Variants in ELAVL2 observed in about 807,000 individuals in gnomAD.
The protein encoded by ELAVL2 is ELAV-like protein 2.
ELAVL2 carries 4 observed loss-of-function variants against 34.6 expected under a neutral mutation model. The ratio of observed to expected loss-of-function variants is 0.12; its 90% CI spans 0.06 to 0.26. ELAVL2 has a LOEUF of 0.26. Ranked by LOEUF, ELAVL2 falls within the 10% of genes least tolerant of loss-of-function variation. The probability of loss-of-function intolerance (pLI) is 1.00; values close to 1 mark genes in which losing one functional copy is unlikely to be tolerated. For synonymous variants in ELAVL2, 193 were observed against 154.8 expected, an observed-to-expected ratio of 1.25 and a Z score of -1.83; for missense variants, 432 against 442.8, an observed-to-expected ratio of 0.98 and a Z score of 0.22.
intron 1 of ELAVL2, chr9:23,783,591 T>C (rs1045040542): frequency 1.4e-6 from 1 of 729,854 alleles, no homozygotes. Context: ...GCCTCAAATA[T>C]CAACACATTT....
intron 2 of ELAVL2, among the ~76,000 whole-genome samples, chr9:23,733,174 A>AT (rs1385954027): frequency 6.9e-6 from 1 of 145,738 alleles, no homozygotes; most frequent in Non-Finnish European, 1.5e-5. Flanking sequence ...AGAAAGCTTA[A>AT]AAAAAAAAAA....
Position 23,690,474 on chromosome 9 carries a change from A to T in ELAVL2, c.*2083T>A, listed in dbSNP as rs945942365. 1.3e-5 allele frequency: 2 copies of T among 152,434 alleles called. No homozygotes were observed. Among genetic ancestry groups the T allele is most frequent in the African/African-American group, 4.8e-5 (2 of 41,408 alleles). 9.4% of individuals were successfully genotyped at this position (152,434 alleles called of 1,614,324 possible). The stretch of plus-strand genomic sequence containing the variant: ...TTTCTTTTTTTAAACGCAGAAGGTT[A>T]ACTCTGGCAATCTAAATGCACCTAA... On this transcript the variant is annotated 3_prime_UTR_variant, in exon 7 of 7. Transcript: ENST00000397312.
intron 3 of ELAVL2, among the ~76,000 whole-genome samples, chr9:23,707,170 A>G (rs2039594783): frequency 6.6e-6 from 1 of 152,264 alleles, no homozygotes; most frequent in Admixed American, 6.5e-5. Context: ...TAAGTGAAGA[A>G]CAAGTGGCCA....
chr9:23,718,343 G>C (rs1422144413), intron 3 of ELAVL2, among the ~76,000 whole-genome samples: 1 of 152,010 alleles, frequency 6.6e-6, no homozygotes, highest in Non-Finnish European at 1.5e-5. Flanking sequence ...TTAGTGTTTT[G>C]GGCCCTGATT....
intron 2 of ELAVL2, among the ~76,000 whole-genome samples, chr9:23,734,405 G>A (rs1470418772): frequency 6.6e-6 from 1 of 152,160 alleles, no homozygotes; most frequent in Non-Finnish European, 1.5e-5. Context: ...TCTGAAGCTT[G>A]GCAAGGTCAA....
intron 2 of ELAVL2, among the ~76,000 whole-genome samples, chr9:23,759,609 T>G (rs79362935): frequency 1.3e-5 from 2 of 151,392 alleles, no homozygotes; most frequent in Non-Finnish European, 2.9e-5. Flanking sequence ...TATAATACCC[T>G]GCTTGATCAT....
chr9:23,766,047 T>C (rs959604142), intron 1 of ELAVL2, among the ~76,000 whole-genome samples: 3 of 152,138 alleles, frequency 2.0e-5, no homozygotes, highest in Admixed American at 1.3e-4. Context: ...TTTCTAAAAA[T>C]AGACAGTGAA....
Position 23,758,163 on chromosome 9 carries a change from G to C in ELAVL2, c.229+3843C>G, listed in dbSNP as rs548111233. ...GAGAAGGACCAAAGAACTCTGGTCT[G>C]TCCCTAAAATACGTACTGAGAAACT... On this transcript the variant is annotated intron_variant, in intron 2 of 6. Coordinates refer to ENST00000397312, the MANE Select transcript of ELAVL2 (RefSeq NM_004432.5). Among the ~76,000 whole-genome samples, 9 of 152,156 alleles carry C rather than the reference G, an allele frequency of 5.9e-5. No homozygotes were observed. In the East Asian group the frequency reaches 1.7e-3, roughly 30 times the overall value.
upstream of ELAVL2, among the ~76,000 whole-genome samples, chr9:23,827,772 G>A (rs953749132): frequency 2.0e-5 from 3 of 152,184 alleles, no homozygotes; most frequent in Non-Finnish European, 4.4e-5. Context: ...CAGTAAATCA[G>A]TGTTCTTTGA....
At chr9:23,751,702 C>T (rs12236195) in intron 2 of ELAVL2, among the ~76,000 whole-genome samples, 32,200 of 152,058 alleles carry the variant, frequency 0.21, 3,552 homozygotes, top group East Asian at 0.31. Flanking sequence ...ATCTAACCAA[C>T]ACTTCATGGC....
intron 3 of ELAVL2, among the ~76,000 whole-genome samples, chr9:23,707,880 A>G (rs961084443): frequency 6.6e-6 from 1 of 152,204 alleles, no homozygotes; most frequent in African/African-American, 2.4e-5. Flanking sequence ...GGTCCATTAC[A>G]GTGTTCTAGA....
intron 5 of ELAVL2, among the ~76,000 whole-genome samples, chr9:23,697,426 G>C (rs1385650098): frequency 1.3e-5 from 2 of 152,076 alleles, no homozygotes; most frequent in African/African-American, 4.8e-5. Context: ...TTAGGTACAT[G>C]GAAAATGAAG....
Position 23,780,807 on chromosome 9 carries a change from G to C in ELAVL2, c.-15-18558C>G, listed in dbSNP as rs532220108. On this transcript the variant is annotated intron_variant, in intron 1 of 6. Coordinates refer to ENST00000397312, the MANE Select transcript of ELAVL2 (RefSeq NM_004432.5). The stretch of plus-strand genomic sequence containing the variant: ...GTTAAGACATGGCCAGGTAAATTAA[G>C]GCCAAAAAAGGGCAAGTCACAACAC... Among the ~76,000 whole-genome samples the C allele has an allele frequency of 1.5e-4, 23 of 152,112 alleles. No individual in the cohort carries two copies. The South Asian group carries it at 4.6e-3, about 30-fold the overall frequency.
intron 1 of ELAVL2, among the ~76,000 whole-genome samples, chr9:23,808,233 C>T (rs1419208133): frequency 6.6e-6 from 1 of 152,094 alleles, no homozygotes; most frequent in Non-Finnish European, 1.5e-5. Flanking sequence ...TGTTATAAGC[C>T]TTAAAGGTTA....
chr9:23,691,409 T>C lies in ELAVL2; in HGVS notation c.*1148A>G, dbSNP rs1412505645. On this transcript the variant is annotated 3_prime_UTR_variant, in exon 7 of 7. Coordinates refer to ENST00000397312, the MANE Select transcript of ELAVL2 (RefSeq NM_004432.5). ...CTGATTTGCTGCAGTACAAATCATGTGCAACGTCTTTTTTCCTTAAGACAA... is the reference window on the plus strand; with the variant it reads ...CTGATTTGCTGCAGTACAAATCATGCGCAACGTCTTTTTTCCTTAAGACAA... 1 of 152,582 alleles carries C rather than the reference T, an allele frequency of 6.6e-6. No individual in the cohort carries two copies. The highest frequency in any genetic ancestry group is 2.4e-5 in the African/African-American group (1 of 41,460). 9.5% of individuals were successfully genotyped at this position (152,582 alleles called of 1,614,324 possible).
intron 2 of ELAVL2, among the ~76,000 whole-genome samples, chr9:23,740,480 T>C (rs1031071202): frequency 6.6e-6 from 1 of 152,158 alleles, no homozygotes; most frequent in African/African-American, 2.4e-5. Flanking sequence ...TGGCCATGTG[T>C]GGAAATTACT....
At chr9:23,790,884 G>A (rs145987719) in intron 1 of ELAVL2, among the ~76,000 whole-genome samples, 1 of 152,250 alleles carries the variant, frequency 6.6e-6, no homozygotes, top group East Asian at 1.9e-4. Context: ...CAGGTCTCCT[G>A]ATGAACACTT....
intron 2 of ELAVL2, among the ~76,000 whole-genome samples, chr9:23,740,696 C>A (rs1216110791): frequency 6.6e-6 from 1 of 151,688 alleles, no homozygotes; most frequent in Non-Finnish European, 1.5e-5. Context: ...TGCAGGTGCA[C>A]AAACCACTTA....
At position 23,705,035 on chromosome 9, in the gene ELAVL2, C is replaced by G; in HGVS notation, c.370G>C (p.Asp124His). The G allele has an allele frequency of 6.2e-7, 1 of 1,614,094 alleles. No homozygotes were observed. Among genetic ancestry groups the G allele is most frequent in the Non-Finnish European group, 8.5e-7 (1 of 1,179,988 alleles). ...AGTCCGCTGACATATAAATTTGCAT[C>G]TCTGATAGAAGCTGAACTTGGGCGA... ...YARPSSASIR[D>H]ANLYVSGLPK... is the part of the protein sequence containing the mutation. Residue 124 changes from aspartate to histidine, a missense_variant, in exon 4 of 7, where the codon GAT becomes CAT. By Grantham distance (81) the Asp-to-His change is moderately conservative (BLOSUM62 -1). This residue lies in a region of ELAVL2 where 295 missense variants were observed against 306.1 expected (regional missense o/e 0.96). Coordinates refer to ENST00000397312, the MANE Select transcript of ELAVL2 (RefSeq NM_004432.5).
Sources: gnomAD v4.1 joint callset for allele counts (sites outside exome capture counted in the v4.1 genomes callset) on GRCh38, gnomAD v4.1.1 for gene constraint, gnomAD v4.1.1 regional missense constraint, MANE v1.5 for transcripts, NCBI Gene and HGNC (gene_info 2026-07-23, HGNC 2026-07-21) for gene names.